Variants in RIC8B observed in about 807,000 individuals in gnomAD.
RIC8B encodes the protein chaperone Ric-8B.
A neutral mutation model predicts 57.5 loss-of-function variants in RIC8B; 16 were observed. The ratio of observed to expected loss-of-function variants is 0.28; its 90% CI spans 0.19 to 0.42. The LOEUF (loss-of-function observed/expected upper bound fraction) is 0.42. Among genes scored for constraint, RIC8B ranks in the 10% least tolerant of loss-of-function variants. RIC8B has a pLI of 1.00. For missense variants in RIC8B, 481 were observed against 677.0 expected, an observed-to-expected ratio of 0.71 and a Z score of 3.21; for synonymous variants, 216 against 250.8, an observed-to-expected ratio of 0.86 and a Z score of 1.31.
chr12:106,824,578 C>T (rs1264648627), intron 3 of RIC8B, among the ~76,000 whole-genome samples: 2 of 152,064 alleles, frequency 1.3e-5, no homozygotes, highest in East Asian at 3.8e-4. Flanking sequence ...TATCACTTCA[C>T]ATGGACTTGA....
Position 106,787,518 on chromosome 12 carries a change from T to G in RIC8B, c.132+3474T>G, listed in dbSNP as rs114557397. On this transcript the variant is annotated intron_variant, in intron 2 of 9. Coordinates refer to ENST00000392837, the MANE Select transcript of RIC8B (RefSeq NM_001330145.2). The stretch of plus-strand genomic sequence containing the variant: ...TTGCTCCCTATATTCGTTTTCACAC[T>G]GCTGATAAAGACATACCTGAGACTG... Among the ~76,000 whole-genome samples, 1,111 of 152,332 alleles carry G rather than the reference T, an allele frequency of 7.3e-3. 14 individuals carry two copies. The highest frequency in any genetic ancestry group is 0.026 in the African/African-American group (1,071 of 41,574).
chr12:106,792,768 C>T (rs1237696756), intron 2 of RIC8B, among the ~76,000 whole-genome samples: 1 of 152,128 alleles, frequency 6.6e-6, no homozygotes, highest in Non-Finnish European at 1.5e-5. Context: ...CACGCCACTG[C>T]ACTCCAGCAT....
chr12:106,780,478 A>T (rs2136149727), intron 1 of RIC8B, among the ~76,000 whole-genome samples: 1 of 152,332 alleles, frequency 6.6e-6, no homozygotes, highest in Middle Eastern at 3.4e-3. Context: ...CTATAAATAT[A>T]GCCTCTACAT....
chr12:106,881,160 AT>A (rs891955010), intron 9 of RIC8B, among the ~76,000 whole-genome samples: 1 of 152,016 alleles, frequency 6.6e-6, no homozygotes, highest in African/African-American at 2.4e-5. Context: ...GAGCAGTAGT[AT>A]TTCATAGCTC....
chr12:106,803,235 A>AAAAAAAAAAAC (rs2044833863), intron 2 of RIC8B, among the ~76,000 whole-genome samples: 1 of 151,422 alleles, frequency 6.6e-6, no homozygotes, highest in Non-Finnish European at 1.5e-5. Context: ...AAAAAAAAAA[A>AAAAAAAAAAAC]AAAGCAAGTT....
At chr12:106,787,038 T>G (rs1438351048) in intron 2 of RIC8B, among the ~76,000 whole-genome samples, 1 of 152,224 alleles carries the variant, frequency 6.6e-6, no homozygotes, top group African/African-American at 2.4e-5. Flanking sequence ...AGAAATTTCT[T>G]TCACAGTTAT....
chr12:106,826,687 G>A (rs563099804), intron 4 of RIC8B, among the ~76,000 whole-genome samples: 119 of 152,306 alleles, frequency 7.8e-4, no homozygotes, highest in South Asian at 2.7e-3. Flanking sequence ...CCTGGGAGGT[G>A]GAGGTTGCAG....
At chr12:106,845,829 G>A (rs913149016) in intron 6 of RIC8B, among the ~76,000 whole-genome samples, 2 of 152,108 alleles carry the variant, frequency 1.3e-5, no homozygotes, top group Admixed American at 1.3e-4. Context: ...CACTGCAAAG[G>A]TGTTTATCAG....
At chr12:106,868,213 T>C in intron 8 of RIC8B, 1 of 447,908 alleles carries the variant, frequency 2.2e-6, no homozygotes, top group South Asian at 1.6e-5. Flanking sequence ...TCCTCCTGAT[T>C]TCATTTTTTT....
At chr12:106,801,014 T>C (rs2044707411) in intron 2 of RIC8B, among the ~76,000 whole-genome samples, 1 of 152,248 alleles carries the variant, frequency 6.6e-6, no homozygotes. Context: ...TCTCATTTGG[T>C]AAATTCTAAT....
intron 2 of RIC8B, among the ~76,000 whole-genome samples, chr12:106,801,045 G>T (rs1338566291): frequency 4.6e-5 from 7 of 152,176 alleles, no homozygotes; most frequent in Admixed American, 4.6e-4. Context: ...TGAAGATACC[G>T]CTGTATTTGC....
At chr12:106,801,220 C>T (rs1300577882) in intron 2 of RIC8B, among the ~76,000 whole-genome samples, 1 of 152,120 alleles carries the variant, frequency 6.6e-6, no homozygotes, top group Non-Finnish European at 1.5e-5. Flanking sequence ...AAAATGGAGG[C>T]TTGTAAGTGG....
At chr12:106,866,798 A>G (rs1027383911) in intron 8 of RIC8B, among the ~76,000 whole-genome samples, 2 of 152,168 alleles carry the variant, frequency 1.3e-5, no homozygotes, top group East Asian at 1.9e-4. Flanking sequence ...AACATATCCC[A>G]TAGATATTTA....
At chr12:106,802,359 A>G (rs779178009) in intron 2 of RIC8B, among the ~76,000 whole-genome samples, 1 of 152,112 alleles carries the variant, frequency 6.6e-6, no homozygotes, top group African/African-American at 2.4e-5. Context: ...TCCCGTCACT[A>G]TAGGAGTATA....
chr12:106,867,044 A>G lies in RIC8B; in HGVS notation c.1452-3779A>G, dbSNP rs1453296703. On this transcript the variant is annotated intron_variant, in intron 8 of 9. Transcript: ENST00000392837. The surrounding 1 kb of genome is among the most constrained non-coding windows in gnomAD (Gnocchi z 4.3). The stretch of plus-strand genomic sequence containing the variant: ...ACAATGCTTTGAATGAATTTAAGCC[A>G]CACATTGTAGATTGAAGTTAATTTT... 6.6e-6 allele frequency among the ~76,000 whole-genome samples: 1 copy of G among 152,240 alleles called. No individual in the cohort carries two copies. Among genetic ancestry groups the G allele is most frequent in the East Asian group, 1.9e-4 (1 of 5,198 alleles).
chr12:106,868,689 G>C (rs1007907647), intron 8 of RIC8B, among the ~76,000 whole-genome samples: 1 of 151,386 alleles, frequency 6.6e-6, no homozygotes, highest in Non-Finnish European at 1.5e-5. Context: ...TCTAACTGGA[G>C]GCCTTTTTCT....
rs1397129367 is a variant in RIC8B, at chr12:106,889,192, T to C, written c.*3177T>C. ...TAGTGTATTTCCTTCCTGTATTTTT[T>C]CTATGCATATATAATTTATTTTACT... On this transcript the variant is annotated 3_prime_UTR_variant, in exon 10 of 10. Coordinates refer to ENST00000392837, the MANE Select transcript of RIC8B (RefSeq NM_001330145.2). 6.6e-6 allele frequency: 1 copy of C among 152,200 alleles called. No individual in the cohort carries two copies. The highest frequency in any genetic ancestry group is 1.5e-5 in the Non-Finnish European group (1 of 68,038). The allele number at this position is 152,200 out of a possible 1,614,324, so 9.4% of individuals were successfully genotyped here.
At chr12:106,776,057 C>T (rs1745746169) in intron 1 of RIC8B, among the ~76,000 whole-genome samples, 1 of 152,084 alleles carries the variant, frequency 6.6e-6, no homozygotes. Flanking sequence ...TGATGGTATT[C>T]CCCAATTCAC....
At chr12:106,868,212 TTTCA>T in intron 8 of RIC8B, 1 of 447,540 alleles carries the variant, frequency 2.2e-6, no homozygotes, top group Non-Finnish European at 4.5e-6. Context: ...GTCCTCCTGA[TTTCA>T]TTTTTTTCCC....
Sources: gnomAD v4.1 joint callset for allele counts (sites outside exome capture counted in the v4.1 genomes callset) on GRCh38, gnomAD v4.1.1 for gene constraint, Gnocchi (gnomAD v3.1) non-coding constraint, MANE v1.5 for transcripts, NCBI Gene and HGNC (gene_info 2026-07-23, HGNC 2026-07-21) for gene names.